FAR2: variants seen among roughly 807,000 people sequenced by gnomAD.
FAR2 encodes fatty acyl-CoA reductase 2.
In FAR2, 19 loss-of-function variants were observed where a neutral mutation model predicts 56.0. That is an observed-to-expected ratio of 0.34 (90% CI 0.24 to 0.50). FAR2 has a LOEUF of 0.50. Among genes scored for constraint, FAR2 ranks in the 20% least tolerant of loss-of-function variants. The probability of loss-of-function intolerance (pLI) is 0.98; values close to 1 mark genes in which losing one functional copy is unlikely to be tolerated. For missense variants in FAR2, 508 were observed against 642.2 expected (o/e 0.79, Z 2.26); for synonymous variants, 219 against 218.8 (o/e 1.00, Z -0.01).
chr12:29,267,368 T>A (rs1486127849), intron 1 of FAR2, among the ~76,000 whole-genome samples: 1 of 152,236 alleles, frequency 6.6e-6, no homozygotes, highest in Non-Finnish European at 1.5e-5. Context: ...ACTCATTCCA[T>A]CCTTACCACA....
chr12:29,270,537 C>A lies in FAR2; in HGVS notation c.88C>A (p.Leu30Met), dbSNP rs749906463. 1 of 1,614,030 alleles carries A rather than the reference C, an allele frequency of 6.2e-7. No homozygotes were observed. The highest frequency in any genetic ancestry group is 1.7e-5 in the Admixed American group (1 of 60,026). Residue 30 changes from leucine to methionine, a missense_variant, in exon 2 of 12, where the codon CTG becomes ATG. By Grantham distance (15) the Leu-to-Met change is conservative. Coordinates refer to ENST00000536681, the MANE Select transcript of FAR2 (RefSeq NM_001271783.2). ...GFLGKVLMEKLFRTSPDLKVI... is the reference protein window; with the variant it reads ...GFLGKVLMEKMFRTSPDLKVI... The stretch of plus-strand genomic sequence containing the variant: ...TCTGGGCAAAGTGCTGATGGAGAAG[C>A]TGTTTCGCACCAGCCCAGACCTGAA...
At chr12:29,263,878 T>C (rs1441710531) in intron 1 of FAR2, among the ~76,000 whole-genome samples, 1 of 151,720 alleles carries the variant, frequency 6.6e-6, no homozygotes, top group Non-Finnish European at 1.5e-5. Context: ...TTACCAGACA[T>C]CTAAAGAAGA....
At chr12:29,231,397 A>T (rs1266783876) in intron 1 of FAR2, among the ~76,000 whole-genome samples, 1 of 152,160 alleles carries the variant, frequency 6.6e-6, no homozygotes, top group African/African-American at 2.4e-5. Context: ...CAGTGATTTC[A>T]TTCATAGAGA....
chr12:29,187,201 C>T (rs976876726), intron 1 of FAR2, among the ~76,000 whole-genome samples: 1 of 152,100 alleles, frequency 6.6e-6, no homozygotes, highest in Non-Finnish European at 1.5e-5. Flanking sequence ...ATGTCTTAAC[C>T]CTTTTTTTTA....
At chr12:29,274,090 T>G (rs1264856980) in intron 2 of FAR2, among the ~76,000 whole-genome samples, 3 of 152,116 alleles carry the variant, frequency 2.0e-5, no homozygotes, top group Non-Finnish European at 4.4e-5. Flanking sequence ...AGGGTACGTG[T>G]GTGCAGGTTT....
chr12:29,194,221 T>G (rs1950126211), intron 1 of FAR2, among the ~76,000 whole-genome samples: 1 of 152,272 alleles, frequency 6.6e-6, no homozygotes, highest in South Asian at 2.1e-4. Flanking sequence ...TGTCTTCTAG[T>G]AGTCCATTGG....
intron 1 of FAR2, among the ~76,000 whole-genome samples, chr12:29,182,254 G>C (rs1419496488): frequency 6.6e-6 from 1 of 152,170 alleles, no homozygotes; most frequent in Non-Finnish European, 1.5e-5. Flanking sequence ...CAGCTTCCAC[G>C]TATGGAAGGG....
At chr12:29,213,448 G>C (rs548455743) in intron 1 of FAR2, among the ~76,000 whole-genome samples, 54 of 152,238 alleles carry the variant, frequency 3.5e-4, no homozygotes, top group South Asian at 3.1e-3. Flanking sequence ...CCAGCACTTT[G>C]GGAGGCCAAG....
chr12:29,167,326 A>G (rs1301615307), intron 1 of FAR2, among the ~76,000 whole-genome samples: 2 of 152,130 alleles, frequency 1.3e-5, no homozygotes, highest in African/African-American at 2.4e-5. Context: ...CACAGAGAAA[A>G]GAAAAATAAC....
chr12:29,313,281 G>T lies in FAR2; in HGVS notation c.955+1331G>T, dbSNP rs1949384199. ...TGCTATCAACCTGTGCATAACTTTT[G>T]GTTATGCACAGAACCAAATGTTTTA... On this transcript the variant is annotated intron_variant, in intron 8 of 11. Transcript: ENST00000536681. 3.3e-5 allele frequency among the ~76,000 whole-genome samples: 5 copies of T among 152,094 alleles called. No individual in the cohort carries two copies. The South Asian group carries it at 1.0e-3, about 32-fold the overall frequency.
At chr12:29,234,384 T>G (rs1002462946) in intron 1 of FAR2, among the ~76,000 whole-genome samples, 3 of 152,190 alleles carry the variant, frequency 2.0e-5, no homozygotes, top group African/African-American at 7.2e-5. Context: ...TCATCCCTCT[T>G]CAGCCTCACC....
intron 8 of FAR2, among the ~76,000 whole-genome samples, chr12:29,312,233 T>C (rs138384021): frequency 1.6e-4 from 25 of 152,258 alleles, no homozygotes; most frequent in Admixed American, 1.2e-3. Context: ...TTGGCAGTTA[T>C]AAAGAATGTC....
intron 2 of FAR2, among the ~76,000 whole-genome samples, chr12:29,280,075 C>T (rs1002918009): frequency 4.6e-5 from 7 of 152,130 alleles, no homozygotes; most frequent in African/African-American, 1.7e-4. Context: ...CAGGCACCCG[C>T]CACCATGCCT....
chr12:29,332,987 A>G, intron 11 of FAR2: 1 of 507,806 alleles, frequency 2.0e-6, no homozygotes, highest in Non-Finnish European at 3.7e-6. Flanking sequence ...GCCCATGGTA[A>G]TTGCATAGTA....
At chr12:29,282,287 A>C (rs895186084) in intron 2 of FAR2, 2 of 152,110 alleles carry the variant, frequency 1.3e-5, no homozygotes, top group African/African-American at 4.8e-5. Flanking sequence ...ATTTCAGCCA[A>C]CTCTACTTCT....
chr12:29,208,061 T>C (rs1161158488), intron 1 of FAR2, among the ~76,000 whole-genome samples: 13 of 152,226 alleles, frequency 8.5e-5, no homozygotes, highest in Non-Finnish European at 1.9e-4. Context: ...TAAAAACTTA[T>C]ATAAAATAGT....
At chr12:29,277,271 TG>T in intron 2 of FAR2, 1 of 152,318 alleles carries the variant, frequency 6.6e-6, no homozygotes, top group Middle Eastern at 3.4e-3. Flanking sequence ...CCATCACGCC[TG>T]GCCATAAAAT....
At chr12:29,284,904 C>T (rs533473783) in intron 2 of FAR2, among the ~76,000 whole-genome samples, 3 of 152,220 alleles carry the variant, frequency 2.0e-5, no homozygotes, top group Non-Finnish European at 4.4e-5. Context: ...TGCAGTGGCG[C>T]GATCTCGGCT....
rs1262539612 is a variant in FAR2 at position 29,270,638 on chromosome 12, G to A, written c.189G>A (p.Lys63=). ...QQRVFQILDS[K]LFEKVKEVCP... ...GGGTTTTCCAGATCCTAGACAGTAA[G>A]GTATGCCTTATAGGAAAGCGTGTGT... Residue 63 remains lysine, a splice_region_variant and synonymous_variant, in exon 2 of 12, where the codon AAG becomes AAA. Coordinates refer to ENST00000536681, the MANE Select transcript of FAR2 (RefSeq NM_001271783.2). The A allele has an allele frequency of 6.2e-7, 1 of 1,607,396 alleles. No individual in the cohort carries two copies. The highest frequency in any genetic ancestry group is 8.5e-7 in the Non-Finnish European group (1 of 1,175,954).
Sources: gnomAD v4.1 joint callset for allele counts (sites outside exome capture counted in the v4.1 genomes callset) on GRCh38, gnomAD v4.1.1 for gene constraint, MANE v1.5 for transcripts, NCBI Gene and HGNC (gene_info 2026-07-23, HGNC 2026-07-21) for gene names.